LIFR: variants seen among roughly 807,000 people sequenced by gnomAD.
The protein encoded by LIFR is leukemia inhibitory factor receptor.
LIFR carries 84 observed loss-of-function variants against 122.2 expected under a neutral mutation model. The ratio of observed to expected loss-of-function variants is 0.69; its 90% CI spans 0.58 to 0.82. The LOEUF (loss-of-function observed/expected upper bound fraction) is 0.82. LIFR is among the 40% of genes least tolerant of loss of function. LIFR has a pLI of 0.00. For synonymous variants in LIFR, 422 were observed against 434.7 expected (o/e 0.97, Z 0.36); for missense variants, 1,294 against 1,311.6 (o/e 0.99, Z 0.21).
intron 2 of LIFR, 88 bp downstream of exon 2, chr5:38,530,418 G>A (rs1746939040): frequency 1.8e-6 from 2 of 1,094,196 alleles, no homozygotes; most frequent in African/African-American, 3.1e-5. Context: ...AAATCCTAAA[G>A]GGGTCAATAA....
intron 12 of LIFR, among the ~76,000 whole-genome samples, chr5:38,498,741 C>T (rs993247882): frequency 6.6e-6 from 1 of 152,124 alleles, no homozygotes; most frequent in Non-Finnish European, 1.5e-5. Flanking sequence ...ATCTGACAGG[C>T]AACTGAGAGT....
intron 1 of LIFR, among the ~76,000 whole-genome samples, chr5:38,549,562 G>T (rs1332808466): frequency 6.6e-6 from 1 of 152,218 alleles, no homozygotes; most frequent in Non-Finnish European, 1.5e-5. Context: ...GGAGGCCGAG[G>T]CAGGCGGATC....
At chr5:38,525,367 G>A (rs1746623780) in intron 4 of LIFR, among the ~76,000 whole-genome samples, 1 of 152,156 alleles carries the variant, frequency 6.6e-6, no homozygotes. Flanking sequence ...AGAAGCTCAA[G>A]GACCAATTAC....
chr5:38,552,750 C>T (rs1177345907), intron 1 of LIFR, among the ~76,000 whole-genome samples: 2 of 152,196 alleles, frequency 1.3e-5, no homozygotes, highest in East Asian at 3.8e-4. Flanking sequence ...AAAGTGATAA[C>T]AGTATAACCG....
intron 16 of LIFR, among the ~76,000 whole-genome samples, chr5:38,487,953 T>G (rs1164514848): frequency 6.6e-6 from 1 of 152,232 alleles, no homozygotes; most frequent in Non-Finnish European, 1.5e-5. Context: ...TTTGCCCCAC[T>G]TCCACCCACA....
At chr5:38,527,835 G>A (rs1310674277) in intron 3 of LIFR, among the ~76,000 whole-genome samples, 1 of 152,150 alleles carries the variant, frequency 6.6e-6, no homozygotes, top group Non-Finnish European at 1.5e-5. Flanking sequence ...CACAGCCCTT[G>A]ATATCTCTCC....
At chr5:38,565,518 A>G (rs1027429891) in intron 1 of LIFR, among the ~76,000 whole-genome samples, 15 of 151,940 alleles carry the variant, frequency 9.9e-5, no homozygotes, top group African/African-American at 3.6e-4. Flanking sequence ...TCCACAAAAC[A>G]TATGAAATGA....
intron 2 of LIFR, among the ~76,000 whole-genome samples, chr5:38,605,097 G>T (rs1017178729): frequency 1.3e-5 from 2 of 152,088 alleles, no homozygotes; most frequent in African/African-American, 4.8e-5. Flanking sequence ...GACTATAAAG[G>T]TTTCTTGTCA....
intron 7 of LIFR, 102 bp downstream of exon 7, chr5:38,510,362 A>G: frequency 2.8e-6 from 3 of 1,071,368 alleles, no homozygotes; most frequent in Non-Finnish European, 4.2e-6. Flanking sequence ...TGAGAAAGAA[A>G]CAGAATCACT....
At chr5:38,590,447 G>C (rs2112761650) in intron 1 of LIFR, among the ~76,000 whole-genome samples, 1 of 152,292 alleles carries the variant, frequency 6.6e-6, no homozygotes, top group South Asian at 2.1e-4. Context: ...CACTGCCTCT[G>C]TTGTCTGTGC....
In LIFR at chr5:38,475,355, C is replaced by T. The variant is rs1418374907; in HGVS notation, c.*6240G>A. On this transcript the variant is annotated 3_prime_UTR_variant, in exon 20 of 20. Coordinates refer to ENST00000453190, the MANE Select transcript of LIFR (RefSeq NM_001127671.2). ...CATGTACTTCATCTATAGTTTTCTT[C>T]CTGTATAAGTGTATTGAAATGTTTC... 1 of 195,030 alleles carries T rather than the reference C, an allele frequency of 5.1e-6. No individual in the cohort carries two copies. The highest frequency in any genetic ancestry group is 1.1e-5 in the Non-Finnish European group (1 of 93,632). The allele number at this position is 195,030 out of a possible 1,614,324, so 12.1% of individuals were successfully genotyped here.
At chr5:38,570,464 G>A (rs1170194008) in intron 1 of LIFR, among the ~76,000 whole-genome samples, 1 of 152,064 alleles carries the variant, frequency 6.6e-6, no homozygotes, top group Non-Finnish European at 1.5e-5. Context: ...TAATGAGTGA[G>A]GATTTTCTTG....
chr5:38,535,162 C>T (rs1298376583), intron 1 of LIFR, among the ~76,000 whole-genome samples: 3 of 152,156 alleles, frequency 2.0e-5, no homozygotes, highest in Non-Finnish European at 2.9e-5. Context: ...TTGCACACTG[C>T]CTCTGCTGTG....
Position 38,477,693 on chromosome 5 carries a change from T to C in LIFR, c.*3902A>G. ...GAATCTTTGAGTCAATAGTCTCAGATCCACACAAGCTAGATTTTGGTGTGT... is the reference window on the plus strand; with the variant it reads ...GAATCTTTGAGTCAATAGTCTCAGACCCACACAAGCTAGATTTTGGTGTGT... On this transcript the variant is annotated 3_prime_UTR_variant, in exon 20 of 20. Transcript: ENST00000453190. 1 of 218,304 alleles carries C rather than the reference T, an allele frequency of 4.6e-6. No individual in the cohort carries two copies. Among genetic ancestry groups the C allele is most frequent in the East Asian group, 6.8e-5 (1 of 14,730 alleles). 13.5% of individuals were successfully genotyped at this position (218,304 alleles called of 1,614,324 possible).
chr5:38,478,052 C>CT lies in LIFR; in HGVS notation c.*3542_*3543insA. On this transcript the variant is annotated 3_prime_UTR_variant, in exon 20 of 20. Transcript: ENST00000453190. Reference sequence around the variant, plus strand: ...TAAGGAGTATTTTACTTTCAAAATACCATAAAATTGATTTTAAATTCCCTT... The same window carrying CT: ...TAAGGAGTATTTTACTTTCAAAATACTCATAAAATTGATTTTAAATTCCCTT... 4.8e-6 allele frequency: 1 copy of CT among 208,932 alleles called. No homozygotes were observed. Among genetic ancestry groups the CT allele is most frequent in the African/African-American group, 2.3e-5 (1 of 43,900 alleles). 12.9% of individuals were successfully genotyped at this position (208,932 alleles called of 1,614,324 possible).
At chr5:38,580,571 C>G (rs186785575) in intron 1 of LIFR, among the ~76,000 whole-genome samples, 11 of 152,296 alleles carry the variant, frequency 7.2e-5, no homozygotes, top group African/African-American at 2.6e-4. Context: ...CCACCTAGAT[C>G]TGTCTCCACC....
intron 8 of LIFR, 119 bp downstream of exon 8, chr5:38,506,384 C>A: frequency 8.6e-7 from 1 of 1,161,052 alleles, no homozygotes; most frequent in Admixed American, 1.7e-5. Context: ...TTTTATACAG[C>A]ATATTTGGTT....
chr5:38,484,159 C>T lies in LIFR; in HGVS notation c.2591+616G>A, dbSNP rs572437654. 2.0e-4 allele frequency among the ~76,000 whole-genome samples: 30 copies of T among 152,342 alleles called. 1 individual carries two copies. The South Asian group carries it at 5.8e-3, about 29-fold the overall frequency. On this transcript the variant is annotated intron_variant, in intron 18 of 19. Coordinates refer to ENST00000453190, the MANE Select transcript of LIFR (RefSeq NM_001127671.2). Reference sequence around the variant, plus strand: ...GAACTGTACCGCAGACCAGCCGTGACGGGCCATGGCCGACCAGCTCGCAGG... The same window carrying T: ...GAACTGTACCGCAGACCAGCCGTGATGGGCCATGGCCGACCAGCTCGCAGG...
chr5:38,554,815 C>G (rs3110969), intron 1 of LIFR, among the ~76,000 whole-genome samples: 2,514 of 152,268 alleles, frequency 0.017, 56 homozygotes, highest in African/African-American at 0.058. Context: ...AATAGATTAC[C>G]TGCTGCACAA....
Sources: allele counts gnomAD v4.1 joint callset (sites outside exome capture counted in the v4.1 genomes callset), GRCh38; gene constraint gnomAD v4.1.1; transcripts MANE v1.5; gene names NCBI Gene and HGNC (gene_info 2026-07-23, HGNC 2026-07-21).